ARL3: variants seen among roughly 807,000 people sequenced by gnomAD.
The protein encoded by ARL3 is ADP-ribosylation factor-like protein 3.
ARL3 carries 9 observed loss-of-function variants against 26.0 expected under a neutral mutation model. That is an observed-to-expected ratio of 0.35 (90% CI 0.21 to 0.60). The LOEUF is 0.60. Ranked by LOEUF, ARL3 falls within the 20% of genes least tolerant of loss-of-function variation. The probability of loss-of-function intolerance (pLI) is 0.78; values close to 1 mark genes in which losing one functional copy is unlikely to be tolerated. For missense variants in ARL3, 158 were observed against 215.7 expected, an observed-to-expected ratio of 0.73 and a Z score of 1.67; for synonymous variants, 71 against 78.4, an observed-to-expected ratio of 0.91 and a Z score of 0.50.
Position 102,709,216 on chromosome 10 carries a change from T to C in ARL3, c.4-3727A>G, listed in dbSNP as rs1449333341. ...CCACTGCACCCGGCCTATAAAATAT[T>C]TTCAAAGTTTAAAATTAATGTTTTG... On this transcript the variant is annotated intron_variant, in intron 1 of 5. Coordinates refer to ENST00000260746, the MANE Select transcript of ARL3 (RefSeq NM_004311.4). 2.6e-5 allele frequency among the ~76,000 whole-genome samples: 4 copies of C among 151,818 alleles called. No individual in the cohort carries two copies. The East Asian group carries it at 7.7e-4, about 29-fold the overall frequency.
intron 1 of ARL3, among the ~76,000 whole-genome samples, chr10:102,706,909 C>T (rs936545918): frequency 1.3e-5 from 2 of 152,054 alleles, no homozygotes; most frequent in African/African-American, 4.8e-5. Context: ...TGGCCTCCAG[C>T]GATCAGCCCA....
At chr10:102,682,511 C>T (rs2064160573) in intron 5 of ARL3, among the ~76,000 whole-genome samples, 1 of 152,128 alleles carries the variant, frequency 6.6e-6, no homozygotes, top group East Asian at 1.9e-4. Context: ...CCAGGTGGAA[C>T]GGGACCCTGA....
In ARL3 at chr10:102,683,300, C is replaced by T. The variant is rs566793654; in HGVS notation, c.501+2516G>A. The stretch of plus-strand genomic sequence containing the variant: ...ACGAAAGGACAATAGACAGCAGATT[C>T]CCTTCTTAATTAACATTTTTATTAA... On this transcript the variant is annotated intron_variant, in intron 5 of 5. Transcript: ENST00000260746. Among the ~76,000 whole-genome samples, 4 of 152,216 alleles carry T rather than the reference C, an allele frequency of 2.6e-5. No individual in the cohort carries two copies. In the South Asian group the frequency reaches 8.3e-4, roughly 32 times the overall value.
At chr10:102,711,469 A>T (rs1316849034) in intron 1 of ARL3, among the ~76,000 whole-genome samples, 1 of 152,024 alleles carries the variant, frequency 6.6e-6, no homozygotes, top group African/African-American at 2.4e-5. Context: ...AAATAGGAAC[A>T]GGCCGGGCGC....
At chr10:102,708,908 A>ATATATATATATATTTTTTTTTTTT in intron 1 of ARL3, among the ~76,000 whole-genome samples, 1 of 95,350 alleles carries the variant, frequency 1.0e-5, no homozygotes, top group African/African-American at 4.2e-5. Context: ...ATATATATAT[A>ATATATATATATATTTTTTTTTTTT]TTTTTTTTTT....
intron 3 of ARL3, among the ~76,000 whole-genome samples, chr10:102,693,263 C>T (rs1025316430): frequency 1.3e-5 from 2 of 152,148 alleles, no homozygotes; most frequent in Non-Finnish European, 1.5e-5. Flanking sequence ...TAAGAAACTA[C>T]CAACTGTCTT....
At chr10:102,702,118 G>A (rs774420407) in intron 2 of ARL3, among the ~76,000 whole-genome samples, 1 of 151,870 alleles carries the variant, frequency 6.6e-6, no homozygotes, top group Non-Finnish European at 1.5e-5. Context: ...TTGAACCCAG[G>A]AATTTGAGGC....
At chr10:102,681,443 C>T (rs1298768379) in intron 5 of ARL3, among the ~76,000 whole-genome samples, 1 of 151,798 alleles carries the variant, frequency 6.6e-6, no homozygotes, top group African/African-American at 2.4e-5. Context: ...ACAAGTCCCC[C>T]AAATCAAGGA....
At chr10:102,678,383 T>C (rs902638542) in intron 5 of ARL3, among the ~76,000 whole-genome samples, 6 of 152,060 alleles carry the variant, frequency 3.9e-5, no homozygotes, top group Middle Eastern at 3.2e-3. Context: ...AAGAGAAGCA[T>C]GTTTAATTTT....
At chr10:102,691,042 A>G (rs1359990809) in intron 3 of ARL3, among the ~76,000 whole-genome samples, 1 of 151,950 alleles carries the variant, frequency 6.6e-6, no homozygotes, top group African/African-American at 2.4e-5. Flanking sequence ...TTAATTTAAT[A>G]CTCCAAAGCA....
intron 3 of ARL3, among the ~76,000 whole-genome samples, chr10:102,698,277 G>A (rs2064260190): frequency 6.6e-6 from 1 of 151,694 alleles, no homozygotes; most frequent in Admixed American, 6.6e-5. Context: ...TCTCAATCTG[G>A]GCTCACTGCA....
rs757334225 is a variant in ARL3 at position 102,705,441 on chromosome 10, C to T, written c.52G>A (p.Val18Met). Residue 18 changes from valine (V) to methionine (M), a missense_variant, in exon 2 of 6, where the codon GTG becomes ATG. Transcript: ENST00000260746. ...RKLKSAPDQE[V>M]RILLLGLDNA... ...TCCAAGCCCAGGAGAAGTATTCTCA[C>T]CTCCTGGTCTGGTGCACTTTTCAAC... is the stretch of plus-strand genomic sequence containing the variant. 1 of 1,609,128 alleles carries T rather than the reference C, an allele frequency of 6.2e-7. No homozygotes were observed. Among genetic ancestry groups the T allele is most frequent in the Non-Finnish European group, 8.5e-7 (1 of 1,176,004 alleles).
At position 102,714,268 on chromosome 10, in the gene ARL3, C is replaced by T. The variant is rs2136014978; in HGVS notation, c.3+5G>A. The T allele has an allele frequency of 7.6e-7, 1 of 1,313,412 alleles. No homozygotes were observed. The highest frequency in any genetic ancestry group is 9.8e-7 in the Non-Finnish European group (1 of 1,022,574). 81.4% of individuals were successfully genotyped at this position (1,313,412 alleles called of 1,614,324 possible). ...CTCCAAGGGGGCCCAGGCCCCCACACTCACCATCCTCCCGCCGAGTCCCTC... is the reference window on the plus strand; with the variant it reads ...CTCCAAGGGGGCCCAGGCCCCCACATTCACCATCCTCCCGCCGAGTCCCTC... On this transcript the variant is annotated splice_donor_5th_base_variant and intron_variant, in intron 1 of 5. Coordinates refer to ENST00000260746, the MANE Select transcript of ARL3 (RefSeq NM_004311.4).
chr10:102,697,453 AG>A (rs1043223594), intron 3 of ARL3, among the ~76,000 whole-genome samples: 4 of 152,368 alleles, frequency 2.6e-5, no homozygotes, highest in African/African-American at 9.6e-5. Context: ...CTGGGATTAC[AG>A]GCGTGAGCCG....
rs1055613848 is a variant in ARL3, at chr10:102,704,730, C to T, written c.147+616G>A. Among the ~76,000 whole-genome samples, 6 of 152,132 alleles carry T rather than the reference C, an allele frequency of 3.9e-5. No individual in the cohort carries two copies. The East Asian group carries it at 5.8e-4, about 15-fold the overall frequency. ...ATTTGTCTATATACACACAAACACA[C>T]ACATGTGTATATATGTATACATATA... On this transcript the variant is annotated intron_variant, in intron 2 of 5. Transcript: ENST00000260746.
intron 1 of ARL3, among the ~76,000 whole-genome samples, chr10:102,707,383 T>C (rs1338607915): frequency 1.3e-5 from 2 of 151,724 alleles, no homozygotes; most frequent in African/African-American, 4.9e-5. Context: ...CATAAGAACA[T>C]CTTTATAGGA....
At chr10:102,688,463 A>G (rs2135999557) in intron 4 of ARL3, among the ~76,000 whole-genome samples, 1 of 152,048 alleles carries the variant, frequency 6.6e-6, no homozygotes, top group Non-Finnish European at 1.5e-5. Flanking sequence ...TTTAGGACAC[A>G]GGCCAAGGAC....
chr10:102,707,123 T>G (rs2064314385), intron 1 of ARL3, among the ~76,000 whole-genome samples: 1 of 152,018 alleles, frequency 6.6e-6, no homozygotes, highest in Admixed American at 6.6e-5. Flanking sequence ...AGTGAGACCC[T>G]GTCCCTACAA....
intron 3 of ARL3, among the ~76,000 whole-genome samples, chr10:102,699,165 T>C (rs2064264994): frequency 6.6e-6 from 1 of 152,220 alleles, no homozygotes; most frequent in Non-Finnish European, 1.5e-5. Context: ...GGGTACAACA[T>C]TGTTACTGAG....
Sources: allele counts gnomAD v4.1 joint callset (sites outside exome capture counted in the v4.1 genomes callset), GRCh38; gene constraint gnomAD v4.1.1; transcripts MANE v1.5; gene names NCBI Gene and HGNC (gene_info 2026-07-23, HGNC 2026-07-21).